The following PDE8B variants were observed in gnomAD, a reference collection of about 807,000 sequenced individuals.
PDE8B encodes phosphodiesterase 8B.
Under a neutral mutation model 101.3 loss-of-function variants are expected in PDE8B, and 26 were observed. The observed-to-expected ratio is 0.26, with a 90% CI of 0.19 to 0.36. The LOEUF is 0.36. PDE8B is among the 10% of genes least tolerant of loss of function. The probability of loss-of-function intolerance (pLI) is 1.00; values close to 1 mark genes in which losing one functional copy is unlikely to be tolerated. For synonymous variants in PDE8B, 424 were observed against 429.3 expected, an observed-to-expected ratio of 0.99 and a Z score of 0.15; for missense variants, 810 against 1,163.1, an observed-to-expected ratio of 0.70 and a Z score of 4.42.
intron 14 of PDE8B, chr5:77,410,911 T>C (rs1352816213): frequency 6.6e-6 from 1 of 152,286 alleles, no homozygotes; most frequent in African/African-American, 2.4e-5. Context: ...TACATATGTA[T>C]ACATGTGCCA....
the PDE8B span, among the ~76,000 whole-genome samples, chr5:77,189,282 C>T: frequency 6.6e-6 from 1 of 152,250 alleles, no homozygotes; most frequent in African/African-American, 2.4e-5. Context: ...AGACAAAGAT[C>T]TTCTCTTGAG....
intron 1 of PDE8B, among the ~76,000 whole-genome samples, chr5:77,225,397 T>G (rs892654705): frequency 6.6e-6 from 1 of 152,250 alleles, no homozygotes; most frequent in South Asian, 2.1e-4. Context: ...GTCCTGACTT[T>G]GTCTACTCAG....
chr5:77,186,505 A>G, the PDE8B span, among the ~76,000 whole-genome samples: 6 of 152,178 alleles, frequency 3.9e-5, no homozygotes, highest in Admixed American at 3.3e-4. Flanking sequence ...TAGGCCTGCA[A>G]CCTTTTCCCG....
chr5:77,368,915 A>AG (rs1784583608), intron 10 of PDE8B, among the ~76,000 whole-genome samples: 1 of 152,050 alleles, frequency 6.6e-6, no homozygotes. Context: ...CAAAAGAAAA[A>AG]GAAGAGGCTG....
At chr5:77,386,764 TG>T (rs1788729913) in intron 10 of PDE8B, among the ~76,000 whole-genome samples, 3 of 152,048 alleles carry the variant, frequency 2.0e-5, no homozygotes, top group African/African-American at 7.2e-5. Flanking sequence ...TTGGGGCATT[TG>T]GCCCATTTAC....
At chr5:77,417,080 G>A (rs898659311) in intron 17 of PDE8B, among the ~76,000 whole-genome samples, 2 of 151,950 alleles carry the variant, frequency 1.3e-5, no homozygotes, top group Admixed American at 6.6e-5. Flanking sequence ...GACCACCCTC[G>A]AAATCCATGT....
intron 10 of PDE8B, among the ~76,000 whole-genome samples, chr5:77,378,601 A>G (rs1197501616): frequency 6.6e-6 from 1 of 152,166 alleles, no homozygotes; most frequent in South Asian, 2.1e-4. Context: ...TGTAGATTCC[A>G]ATTCAGTAGT....
the PDE8B span, chr5:77,105,712 G>A: frequency 1.3e-5 from 2 of 152,168 alleles, no homozygotes; most frequent in South Asian, 2.1e-4. Flanking sequence ...TTAAATTTAT[G>A]AGAAACTGCC....
At chr5:77,245,492 C>A (rs1257281528) in intron 1 of PDE8B, among the ~76,000 whole-genome samples, 1 of 152,282 alleles carries the variant, frequency 6.6e-6, no homozygotes, top group East Asian at 1.9e-4. Context: ...TCTCTCTGAT[C>A]GTACAGAAGA....
chr5:77,305,981 TGAAGTGGGGAA>T (rs1319410388), intron 1 of PDE8B, among the ~76,000 whole-genome samples: 1 of 152,138 alleles, frequency 6.6e-6, no homozygotes, highest in Non-Finnish European at 1.5e-5. Flanking sequence ...GAGAAGTCAT[TGAAGTGGGGAA>T]GATTCAGACT....
chr5:77,166,588 G>A, the PDE8B span: 1 of 152,184 alleles, frequency 6.6e-6, no homozygotes, highest in African/African-American at 2.4e-5. Flanking sequence ...AGTGTGTGTA[G>A]GGTAGGGTGA....
At chr5:77,228,944 T>C (rs533740536) in intron 1 of PDE8B, among the ~76,000 whole-genome samples, 1 of 152,172 alleles carries the variant, frequency 6.6e-6, no homozygotes, top group Admixed American at 6.5e-5. Context: ...AGTTATTTGA[T>C]ATTTGGGCAA....
intron 2 of PDE8B, among the ~76,000 whole-genome samples, chr5:77,323,250 T>C (rs754380115): frequency 6.6e-6 from 1 of 152,230 alleles, no homozygotes; most frequent in Non-Finnish European, 1.5e-5. Flanking sequence ...CCTTCATTTT[T>C]CTTGGGAGAG....
the PDE8B span, among the ~76,000 whole-genome samples, chr5:77,130,608 T>C: frequency 1.3e-5 from 2 of 152,134 alleles, no homozygotes; most frequent in South Asian, 4.1e-4. Context: ...TCTTAATTTT[T>C]TGGATTTTAG....
At chr5:77,170,182 G>C in the PDE8B span, among the ~76,000 whole-genome samples, 8,793 of 152,268 alleles carry the variant, frequency 0.058, 269 homozygotes, top group African/African-American at 0.081. Flanking sequence ...AATGTCTCAG[G>C]TTTTTAAACC....
intron 10 of PDE8B, among the ~76,000 whole-genome samples, chr5:77,379,615 G>A (rs1787056636): frequency 3.3e-5 from 5 of 152,176 alleles, no homozygotes; most frequent in Admixed American, 3.3e-4. Context: ...GGGTGGCTTT[G>A]AGAGCTATGT....
chr5:77,319,201 T>C (rs1774478178), intron 2 of PDE8B, among the ~76,000 whole-genome samples: 1 of 152,220 alleles, frequency 6.6e-6, no homozygotes, highest in Admixed American at 6.5e-5. Context: ...ATGTTTCAAA[T>C]TGCGGTTACA....
chr5:77,347,299 G>A (rs1210684721), intron 7 of PDE8B, among the ~76,000 whole-genome samples: 1 of 152,174 alleles, frequency 6.6e-6, no homozygotes, highest in African/African-American at 2.4e-5. Context: ...TAAGTAATTT[G>A]TCCATGGTTC....
chr5:77,108,842 T>C, the PDE8B span, among the ~76,000 whole-genome samples: 1 of 152,172 alleles, frequency 6.6e-6, no homozygotes, highest in African/African-American at 2.4e-5. Context: ...CAGCATTGCT[T>C]TTTTGGTTAT....
Sources: gnomAD v4.1 joint callset for allele counts (sites outside exome capture counted in the v4.1 genomes callset) on GRCh38, gnomAD v4.1.1 for gene constraint, MANE v1.5 for transcripts, NCBI Gene and HGNC (gene_info 2026-07-23, HGNC 2026-07-21) for gene names.